Variants in XPNPEP3 observed in about 807,000 individuals in gnomAD.
The protein encoded by XPNPEP3 is xaa-Pro aminopeptidase 3.
A neutral mutation model predicts 60.0 loss-of-function variants in XPNPEP3; 41 were observed. That is an observed-to-expected ratio of 0.68 (90% CI 0.53 to 0.89). The LOEUF is 0.89. XPNPEP3 is among the 40% of genes least tolerant of loss of function. The pLI is 0.00. For synonymous variants in XPNPEP3, 212 were observed against 223.2 expected, an observed-to-expected ratio of 0.95 and a Z score of 0.45; for missense variants, 598 against 638.9, an observed-to-expected ratio of 0.94 and a Z score of 0.69.
intron 7 of XPNPEP3, 63 bp downstream of exon 7, chr22:40,914,387 A>G (rs2058187833): frequency 4.4e-6 from 6 of 1,355,486 alleles, no homozygotes; most frequent in Non-Finnish European, 6.3e-6. Context: ...GAATATGGCT[A>G]TATTTGGAAT....
chr22:40,866,902 T>C (rs546420252), intron 1 of XPNPEP3, among the ~76,000 whole-genome samples: 150 of 152,322 alleles, frequency 9.8e-4, no homozygotes, highest in Admixed American at 1.6e-3. Flanking sequence ...ATATGAGCAT[T>C]GAAAAAGGAA....
chr22:40,930,979 G>A lies in XPNPEP3; in HGVS notation c.*4544G>A, dbSNP rs934184463. 104 of 152,384 alleles carry A rather than the reference G, an allele frequency of 6.8e-4. No homozygotes were observed. The highest frequency in any genetic ancestry group is 2.5e-3 in the African/African-American group (102 of 41,412). 9.4% of individuals were successfully genotyped at this position (152,384 alleles called of 1,614,324 possible). A position where few individuals can be genotyped will look rare whatever the true frequency, so the allele number is the denominator to read the frequency against. On this transcript the variant is annotated 3_prime_UTR_variant, in exon 10 of 10. Coordinates refer to ENST00000357137, the MANE Select transcript of XPNPEP3 (RefSeq NM_022098.4). ...TTCTCCTGCCTCAGCCTCCCAAGTAGCTGGGATTACAGGCACGCACCACCA... is the reference window on the plus strand; with the variant it reads ...TTCTCCTGCCTCAGCCTCCCAAGTAACTGGGATTACAGGCACGCACCACCA...
intron 4 of XPNPEP3, among the ~76,000 whole-genome samples, chr22:40,896,915 G>T (rs1207472264): frequency 6.6e-6 from 1 of 151,556 alleles, no homozygotes; most frequent in Non-Finnish European, 1.5e-5. Flanking sequence ...TTTGTAACTG[G>T]CTTACTTCAC....
At chr22:40,910,308 A>G (rs2058172542) in intron 6 of XPNPEP3, among the ~76,000 whole-genome samples, 1 of 152,106 alleles carries the variant, frequency 6.6e-6, no homozygotes. Context: ...GTTGTATTAC[A>G]TATATGTGAC....
intron 1 of XPNPEP3, among the ~76,000 whole-genome samples, chr22:40,867,866 G>A (rs1168770192): frequency 6.6e-6 from 1 of 150,432 alleles, no homozygotes; most frequent in African/African-American, 2.5e-5. Context: ...TAAGCCCAGA[G>A]GAACAAAGCT....
chr22:40,869,334 A>G (rs1409307630), intron 2 of XPNPEP3, among the ~76,000 whole-genome samples: 4 of 152,104 alleles, frequency 2.6e-5, no homozygotes, highest in Admixed American at 6.5e-5. Flanking sequence ...GCTTAACTAC[A>G]TGTGGGTACT....
intron 6 of XPNPEP3, among the ~76,000 whole-genome samples, chr22:40,910,156 A>T (rs1463420159): frequency 6.6e-6 from 1 of 151,950 alleles, no homozygotes; most frequent in Non-Finnish European, 1.5e-5. Context: ...AAAAACGAAT[A>T]CCCATGAACC....
chr22:40,895,306 T>C lies in XPNPEP3; in HGVS notation c.792+8791T>C, dbSNP rs1002209393. On this transcript the variant is annotated intron_variant, in intron 4 of 9. Coordinates refer to ENST00000357137, the MANE Select transcript of XPNPEP3 (RefSeq NM_022098.4). ...GTCCATCTTATTGAAATGCATTTCT[T>C]TTTTTCTTTTTAATAGAGATTAGTG... Among the ~76,000 whole-genome samples the C allele has an allele frequency of 3.3e-5, 5 of 152,158 alleles. No individual in the cohort carries two copies. In the South Asian group the frequency reaches 1.0e-3, roughly 32 times the overall value.
At chr22:40,907,775 T>C in intron 5 of XPNPEP3, 126 bp downstream of exon 5, 1 of 938,722 alleles carries the variant, frequency 1.1e-6, no homozygotes, top group Non-Finnish European at 1.7e-6. Context: ...GAGGATTTGG[T>C]TCTGAAATAT....
At chr22:40,921,936 T>C (rs2058218101) in intron 7 of XPNPEP3, among the ~76,000 whole-genome samples, 1 of 152,124 alleles carries the variant, frequency 6.6e-6, no homozygotes, top group African/African-American at 2.4e-5. Flanking sequence ...TCCCATGGTA[T>C]CTGCTTCACC....
intron 2 of XPNPEP3, among the ~76,000 whole-genome samples, chr22:40,872,081 TG>T (rs2058008144): frequency 6.6e-6 from 1 of 152,148 alleles, no homozygotes; most frequent in African/African-American, 2.4e-5. Flanking sequence ...TCTGAATTCT[TG>T]GGAGCTATTT....
At chr22:40,914,527 A>G (rs2058188460) in intron 7 of XPNPEP3, among the ~76,000 whole-genome samples, 1 of 148,242 alleles carries the variant, frequency 6.7e-6, no homozygotes, top group Non-Finnish European at 1.5e-5. Context: ...GGTAACTAAC[A>G]AAGATTTTTT....
chr22:40,917,088 A>C (rs555300157), intron 7 of XPNPEP3: 1 of 152,554 alleles, frequency 6.6e-6, no homozygotes, highest in African/African-American at 2.4e-5. Flanking sequence ...AAAAAAAAAG[A>C]AAAAGAAAAA....
In XPNPEP3 at chr22:40,864,420, A is replaced by G. The variant is rs188369475; in HGVS notation, c.65-4579A>G. On this transcript the variant is annotated intron_variant, in intron 1 of 9. Coordinates refer to ENST00000357137, the MANE Select transcript of XPNPEP3 (RefSeq NM_022098.4). Reference sequence around the variant, plus strand: ...TTCGCAGTGTCTAAATTTGACAGGGACTTATTTTATTTTCATTATTATTGT... The same window carrying G: ...TTCGCAGTGTCTAAATTTGACAGGGGCTTATTTTATTTTCATTATTATTGT... Among the ~76,000 whole-genome samples, 353 of 152,044 alleles carry G rather than the reference A, an allele frequency of 2.3e-3. 3 individuals carry two copies. The highest frequency in any genetic ancestry group is 7.9e-3 in the African/African-American group (327 of 41,458).
At chr22:40,861,550 T>G in intron 1 of XPNPEP3, 1 of 1,613,402 alleles carries the variant, frequency 6.2e-7, no homozygotes, top group Non-Finnish European at 8.5e-7. Flanking sequence ...GAAGAAAATT[T>G]CTCAAAAATT....
At chr22:40,910,589 C>T (rs1387246923) in intron 6 of XPNPEP3, among the ~76,000 whole-genome samples, 1 of 151,858 alleles carries the variant, frequency 6.6e-6, no homozygotes, top group East Asian at 1.9e-4. Context: ...GCCTCTAGTC[C>T]ATTACTTGGG....
intron 1 of XPNPEP3, among the ~76,000 whole-genome samples, chr22:40,863,898 T>A (rs543849019): frequency 6.6e-6 from 1 of 152,354 alleles, no homozygotes; most frequent in Non-Finnish European, 1.5e-5. Context: ...TCTACTGCAT[T>A]TCTCGGACTA....
At chr22:40,905,811 T>A (rs1377838646) in intron 4 of XPNPEP3, among the ~76,000 whole-genome samples, 1 of 152,012 alleles carries the variant, frequency 6.6e-6, no homozygotes, top group Non-Finnish European at 1.5e-5. Flanking sequence ...CTTTTTTTTT[T>A]AGACAGAGTC....
At chr22:40,878,363 A>G (rs1461535711) in intron 2 of XPNPEP3, among the ~76,000 whole-genome samples, 1 of 152,152 alleles carries the variant, frequency 6.6e-6, no homozygotes, top group East Asian at 1.9e-4. Context: ...CATGTAGTCA[A>G]TTGTATGAAA....
Sources: gnomAD v4.1 joint callset for allele counts (sites outside exome capture counted in the v4.1 genomes callset) on GRCh38, gnomAD v4.1.1 for gene constraint, MANE v1.5 for transcripts, NCBI Gene and HGNC (gene_info 2026-07-23, HGNC 2026-07-21) for gene names.